The following INKA2 variants were observed in gnomAD, a reference collection of about 807,000 sequenced individuals.
The protein encoded by INKA2 is inka box actin regulator 2.
A neutral mutation model predicts 9.8 loss-of-function variants in INKA2; 3 were observed. The ratio of observed to expected loss-of-function variants is 0.31; its 90% CI spans 0.14 to 0.79. The LOEUF is 0.79. INKA2 is among the 30% of genes least tolerant of loss of function. INKA2 has a pLI of 0.62. For synonymous variants in INKA2, 147 were observed against 143.3 expected, an observed-to-expected ratio of 1.03 and a Z score of -0.18; for missense variants, 392 against 384.4, an observed-to-expected ratio of 1.02 and a Z score of -0.17.
intron 1 of INKA2, among the ~76,000 whole-genome samples, chr1:111,732,167 AC>A (rs1327213420): frequency 6.6e-6 from 1 of 152,180 alleles, no homozygotes; most frequent in East Asian, 1.9e-4. Context: ...TTCCAGACTG[AC>A]CCCAGGGGAT....
chr1:111,739,114 G>GGCCGGGGCGGAGACCAGGTGCCC, intron 1 of INKA2, 72 bp downstream of exon 1: 1 of 1,458,468 alleles, frequency 6.9e-7, no homozygotes, highest in African/African-American at 1.4e-5. Flanking sequence ...GCTCCCCGGG[G>GGCCGGGGCGGAGACCAGGTGCCC]GCCGGGGCGG....
chr1:111,726,671 C>T lies in INKA2; in HGVS notation c.*297G>A. On this transcript the variant is annotated 3_prime_UTR_variant, in exon 2 of 2. Transcript: ENST00000357260. The stretch of plus-strand genomic sequence containing the variant: ...TGCCCTCACCTACTGTCACCTCCAG[C>T]CCCAAAGTGAGTGCATGCATGCCAG... 2.5e-6 allele frequency: 1 copy of T among 392,302 alleles called. No homozygotes were observed. Among genetic ancestry groups the T allele is most frequent in the Non-Finnish European group, 4.6e-6 (1 of 216,602 alleles). The allele number at this position is 392,302 out of a possible 1,614,324, so 24.3% of individuals were successfully genotyped here. A position where few individuals can be genotyped will look rare whatever the true frequency, so the allele number is the denominator to read the frequency against.
Position 111,752,233 on chromosome 1 carries a change from C to T in INKA2, n.124+3468G>A, listed in dbSNP as rs1236011352. 5.9e-5 allele frequency among the ~76,000 whole-genome samples: 9 copies of T among 152,172 alleles called. No individual in the cohort carries two copies. In the East Asian group the frequency reaches 1.2e-3, roughly 20 times the overall value. On this transcript the variant is annotated intron_variant and non_coding_transcript_variant, in intron 1 of 1. Transcript: ENST00000444059. ...CTGCTTCCAGAATTCTCTACAAGGG[C>T]AAAATGAACTTCTATCTTGGGGAGG...
At position 111,727,403 on chromosome 1, in the gene INKA2, C is replaced by G. The variant is rs775441583; in HGVS notation, c.459G>C (p.Gln153His). The G allele has an allele frequency of 1.2e-6, 2 of 1,613,922 alleles. No individual in the cohort carries two copies. The highest frequency in any genetic ancestry group is 1.7e-6 in the Non-Finnish European group (2 of 1,179,984). Reference protein sequence around the residue: ...STLMSRGRNRQPLVLGDNVFA... With the variant: ...STLMSRGRNRHPLVLGDNVFA... ...AAACGTTGTCCCCTAACACCAGAGG[C>G]TGTCGATTCCGGCCCCGGGACATCA... is the stretch of plus-strand genomic sequence containing the variant. Residue 153 changes from glutamine to histidine, a missense_variant, in exon 2 of 2, where the codon CAG becomes CAC. Transcript: ENST00000357260.
At chr1:111,739,079 C>T (rs1399322714) in intron 1 of INKA2, 107 bp downstream of exon 1, 5 of 1,086,140 alleles carry the variant, frequency 4.6e-6, no homozygotes, top group African/African-American at 1.6e-5. Context: ...CTTCCCTGGC[C>T]CTCCTCCGCC....
upstream of INKA2, among the ~76,000 whole-genome samples, chr1:111,742,166 G>C (rs1663164252): frequency 6.6e-6 from 1 of 152,218 alleles, no homozygotes; most frequent in African/African-American, 2.4e-5. Flanking sequence ...GGACTGGGCG[G>C]TTGGGTCTTC....
chr1:111,726,016 C>T lies in INKA2; in HGVS notation c.*952G>A, dbSNP rs764471106. The T allele has an allele frequency of 3.0e-4, 120 of 398,372 alleles. No individual in the cohort carries two copies. The highest frequency in any genetic ancestry group is 6.2e-4 in the Middle Eastern group (1 of 1,610). 24.7% of individuals were successfully genotyped at this position (398,372 alleles called of 1,614,324 possible). On this transcript the variant is annotated 3_prime_UTR_variant, in exon 2 of 2. Transcript: ENST00000357260. ...CCTCCCAAAGTGCTGGGATTACAGGCGTGAGCCACAGCGCCCAGCCTGCGG... is the reference window on the plus strand; with the variant it reads ...CCTCCCAAAGTGCTGGGATTACAGGTGTGAGCCACAGCGCCCAGCCTGCGG...
At chr1:111,751,911 C>G (rs867028181) in intron 1 of INKA2, among the ~76,000 whole-genome samples, 2 of 151,400 alleles carry the variant, frequency 1.3e-5, no homozygotes, top group African/African-American at 2.4e-5. Flanking sequence ...CAGCTGGGCA[C>G]GTGATTGTCC....
chr1:111,731,356 C>CT (rs377735498), intron 1 of INKA2, among the ~76,000 whole-genome samples: 164 of 145,214 alleles, frequency 1.1e-3, no homozygotes, highest in Middle Eastern at 3.6e-3. Flanking sequence ...TTTCTCCATG[C>CT]TTTTTTTTTT....
upstream of INKA2, among the ~76,000 whole-genome samples, chr1:111,742,164 C>T (rs952180759): frequency 9.9e-5 from 15 of 152,178 alleles, no homozygotes; most frequent in African/African-American, 2.9e-4. Context: ...TAGGACTGGG[C>T]GGTTGGGTCT....
chr1:111,723,180 C>T lies in INKA2; in HGVS notation c.*3788G>A. Reference sequence around the variant, plus strand: ...AAGGTGGGGACAAGGTGTGCTCTTGCTCTTGTCCAGACCACGTAGGAAACG... The same window carrying T: ...AAGGTGGGGACAAGGTGTGCTCTTGTTCTTGTCCAGACCACGTAGGAAACG... On this transcript the variant is annotated 3_prime_UTR_variant, in exon 2 of 2. Coordinates refer to ENST00000357260, the MANE Select transcript of INKA2 (RefSeq NM_019099.5). The T allele has an allele frequency of 1.5e-6, 1 of 657,188 alleles. No individual in the cohort carries two copies. 40.7% of individuals were successfully genotyped at this position (657,188 alleles called of 1,614,324 possible).
At chr1:111,728,185 GT>G (rs1662835534) in intron 1 of INKA2, among the ~76,000 whole-genome samples, 1 of 152,056 alleles carries the variant, frequency 6.6e-6, no homozygotes, top group South Asian at 2.1e-4. Context: ...TCAGCTTGAA[GT>G]GCACAAAGCT....
chr1:111,732,061 G>A (rs1160795451), intron 1 of INKA2, among the ~76,000 whole-genome samples: 1 of 152,222 alleles, frequency 6.6e-6, no homozygotes, highest in East Asian at 1.9e-4. Flanking sequence ...GATGAGAAGC[G>A]AAGGAGGAGT....
chr1:111,743,883 C>G (rs908282034), upstream of INKA2, among the ~76,000 whole-genome samples: 1 of 152,260 alleles, frequency 6.6e-6, no homozygotes, highest in African/African-American at 2.4e-5. Context: ...CACATGCTGC[C>G]TGATCATCAA....
chr1:111,746,586 C>G (rs1215206200), intron 1 of INKA2: 1 of 152,182 alleles, frequency 6.6e-6, no homozygotes, highest in African/African-American at 2.4e-5. Flanking sequence ...AATTTGGGAG[C>G]TGAAAAGGAC....
At position 111,727,006 on chromosome 1, in the gene INKA2, G is replaced by T. The variant is rs1360420424; in HGVS notation, c.856C>A (p.Pro286Thr). The change falls in exon 2 of 2, where the codon CCC becomes ACC. Residue 286 changes from proline (P) to threonine (T), a missense_variant. Pro to Thr is a conservative substitution (Grantham distance 38, BLOSUM62 -1). Transcript: ENST00000357260. The part of the protein sequence containing the change: ...TSCPKALEHS[P>T]SGFDINTAVW... ...GCTGTGTTAATATCAAATCCTGAGGGTGAGTGCTCCAGGGCCTTGGGGCAG... is the reference window on the plus strand; with the variant it reads ...GCTGTGTTAATATCAAATCCTGAGGTTGAGTGCTCCAGGGCCTTGGGGCAG... 2.5e-6 allele frequency: 4 copies of T among 1,613,850 alleles called. No individual in the cohort carries two copies. Among genetic ancestry groups the T allele is most frequent in the Non-Finnish European group, 3.4e-6 (4 of 1,180,008 alleles).
In INKA2 at chr1:111,739,377, G is replaced by C. The variant is rs1663089453; in HGVS notation, c.-135C>G. On this transcript the variant is annotated 5_prime_UTR_variant, in exon 1 of 2. Transcript: ENST00000357260. ...CAGCGCGGAGCTGAGCCTGCGCTCC[G>C]AGCCCGGGACTCAGAGTCGCTTCCC... 12 of 1,514,932 alleles carry C rather than the reference G, an allele frequency of 7.9e-6. No individual in the cohort carries two copies. Among genetic ancestry groups the C allele is most frequent in the Non-Finnish European group, 9.7e-6 (11 of 1,130,984 alleles). 93.8% of individuals were successfully genotyped at this position (1,514,932 alleles called of 1,614,324 possible).
exon 1 of INKA2, chr1:111,755,770 A>C (rs1663529114): frequency 1.9e-6 from 3 of 1,613,148 alleles, no homozygotes; most frequent in Middle Eastern, 3.3e-4. Context: ...GTGTCTGGGC[A>C]GTCTCTCAGC....
chr1:111,752,681 C>T (rs1663436056), intron 1 of INKA2, among the ~76,000 whole-genome samples: 1 of 151,910 alleles, frequency 6.6e-6, no homozygotes, highest in Admixed American at 6.6e-5. Context: ...TTCCTTTATA[C>T]TGTTTTCTTT....
Sources: allele counts gnomAD v4.1 joint callset (sites outside exome capture counted in the v4.1 genomes callset), GRCh38; gene constraint gnomAD v4.1.1; transcripts MANE v1.5; gene names NCBI Gene and HGNC (gene_info 2026-07-23, HGNC 2026-07-21).